Variants in RAB13 observed in about 807,000 individuals in gnomAD.
RAB13 encodes the protein ras-related protein Rab-13.
In RAB13, 15 loss-of-function variants were observed where a neutral mutation model predicts 29.3. The observed-to-expected ratio is 0.51, with a 90% CI of 0.34 to 0.79. The LOEUF (loss-of-function observed/expected upper bound fraction) is 0.79, where lower values mean the gene tolerates loss of function less well. Among genes scored for constraint, RAB13 ranks in the 30% least tolerant of loss-of-function variants. The probability of loss-of-function intolerance (pLI) is 0.01; values close to 1 mark genes in which losing one functional copy is unlikely to be tolerated. For synonymous variants in RAB13, 82 were observed against 93.8 expected (o/e 0.87, Z 0.73); for missense variants, 186 against 255.5 (o/e 0.73, Z 1.85).
intron 2 of RAB13, among the ~76,000 whole-genome samples, chr1:153,984,022 C>G (rs1399245016): frequency 6.6e-6 from 1 of 151,698 alleles, no homozygotes; most frequent in Non-Finnish European, 1.5e-5. Flanking sequence ...ACTAAAAATA[C>G]AAAAATTAGC....
At chr1:153,987,940 T>G (rs887249997), upstream of RAB13, among the ~76,000 whole-genome samples, 1 of 151,968 alleles carries the variant, frequency 6.6e-6, no homozygotes, top group Non-Finnish European at 1.5e-5. Context: ...GCCTCGGTGA[T>G]AGAGTAAGAT....
At chr1:153,988,278 C>T (rs1466965225), upstream of RAB13, among the ~76,000 whole-genome samples, 1 of 147,980 alleles carries the variant, frequency 6.8e-6, no homozygotes, top group Non-Finnish European at 1.5e-5. Context: ...AGTCGTGAGC[C>T]ACCACGCCTG....
At chr1:153,990,006 C>A (rs1649306416), upstream of RAB13, among the ~76,000 whole-genome samples, 1 of 152,140 alleles carries the variant, frequency 6.6e-6, no homozygotes, top group African/African-American at 2.4e-5. Flanking sequence ...CTCTTTTTGT[C>A]CATTCTCTCA....
chr1:153,986,377 G>A (rs540635009), upstream of RAB13: 3 of 716,302 alleles, frequency 4.2e-6, no homozygotes, highest in African/African-American at 1.8e-5. Context: ...CCGGGAAAGA[G>A]GAGAGGCGGC....
chr1:153,982,920 G>C, intron 4 of RAB13, 112 bp from the exon 5 acceptor site: 2 of 1,043,736 alleles, frequency 1.9e-6, no homozygotes, highest in Non-Finnish European at 2.9e-6. Flanking sequence ...TGATGCAGGA[G>C]TTCAAGATCA....
rs1036918492 is a variant in RAB13, at chr1:153,982,392, G to C, written c.533C>G (p.Ser178Ter). The C allele has an allele frequency of 6.2e-7, 1 of 1,612,294 alleles. No individual in the cohort carries two copies. Among genetic ancestry groups the C allele is most frequent in the African/African-American group, 1.3e-5 (1 of 74,556 alleles). The change falls in exon 7 of 8, where the codon TCA becomes TGA. Residue 178 changes from serine to a stop codon, truncating the protein, a stop_gained and splice_region_variant. Transcript: ENST00000368575. LOFTEE classifies it high-confidence loss of function. ...DILLKSGGRR[S>*]GNGNKPPSTD... ...CCTAGTCCAGCAAAACCAACTTACTGATCTCCGGCCTCCTGACTTGAGCAA... is the reference window on the plus strand; with the variant it reads ...CCTAGTCCAGCAAAACCAACTTACTCATCTCCGGCCTCCTGACTTGAGCAA...
intron 1 of RAB13, 37 bp downstream of exon 1, chr1:153,986,076 G>A: frequency 6.2e-7 from 1 of 1,611,940 alleles, no homozygotes; most frequent in East Asian, 2.2e-5. Flanking sequence ...GGAGGTCACA[G>A]GAGAGTCGGG....
upstream of RAB13, among the ~76,000 whole-genome samples, chr1:153,989,811 G>C (rs1649297847): frequency 6.6e-6 from 1 of 151,556 alleles, no homozygotes; most frequent in African/African-American, 2.4e-5. Flanking sequence ...AGAATCGCTT[G>C]AACGCGGGAG....
chr1:153,990,679 A>C, upstream of RAB13: 2 of 1,386,234 alleles, frequency 1.4e-6, no homozygotes, highest in South Asian at 1.2e-5. Context: ...TCAAAGTAAG[A>C]CGTTCCAAAC....
At chr1:153,984,221 C>T (rs1270801814) in intron 2 of RAB13, among the ~76,000 whole-genome samples, 5 of 149,250 alleles carry the variant, frequency 3.4e-5, no homozygotes, top group Non-Finnish European at 7.4e-5. Flanking sequence ...TTTGGATAGG[C>T]TGAATAATTA....
chr1:153,985,024 G>T (rs1649115220), intron 1 of RAB13: 1 of 1,228,402 alleles, frequency 8.1e-7, no homozygotes, highest in South Asian at 2.1e-5. Context: ...CGAAAATTCT[G>T]CATGGAGGCT....
chr1:153,990,706 C>T, upstream of RAB13: 3 of 1,547,136 alleles, frequency 1.9e-6, no homozygotes, highest in Non-Finnish European at 2.7e-6. Flanking sequence ...GCACAAGATC[C>T]TTGCGTCATT....
chr1:153,986,449 G>T (rs911188399), upstream of RAB13: 1 of 522,600 alleles, frequency 1.9e-6, no homozygotes, highest in Admixed American at 3.6e-5. Flanking sequence ...CTGCCAGCCC[G>T]GCCTCTGTTC....
chr1:153,990,030 CCTT>C (rs1270900802), upstream of RAB13, among the ~76,000 whole-genome samples: 1 of 152,146 alleles, frequency 6.6e-6, no homozygotes, highest in East Asian at 1.9e-4. Context: ...CTCATTATCT[CCTT>C]GAGTCTTCCC....
At chr1:153,985,304 A>G in intron 1 of RAB13, 4 of 985,152 alleles carry the variant, frequency 4.1e-6, no homozygotes, top group Non-Finnish European at 4.8e-6. Flanking sequence ...ATTAGGAAAG[A>G]GGGGCATTTT....
At chr1:153,990,071 C>G (rs889750186), upstream of RAB13, among the ~76,000 whole-genome samples, 1 of 152,032 alleles carries the variant, frequency 6.6e-6, no homozygotes, top group Non-Finnish European at 1.5e-5. Flanking sequence ...CAAACCATGT[C>G]TCCCCTGTTT....
Position 153,982,111 on chromosome 1 carries a change from G to A in RAB13, c.600C>T (p.Cys200=). ...CAAGAAAGGGTCCTCAGCCCAGGGA[G>A]CACTTGTTGGTGTTCTTCTTGTCAC... ...KTCDKKNTNK[C]SLG is the part of the protein sequence containing the mutation. Residue 200 remains cysteine (C), a synonymous_variant, in exon 8 of 8, where the codon TGC becomes TGT. Transcript: ENST00000368575. 1 of 1,613,666 alleles carries A rather than the reference G, an allele frequency of 6.2e-7. No homozygotes were observed. The highest frequency in any genetic ancestry group is 8.5e-7 in the Non-Finnish European group (1 of 1,179,946).
chr1:153,982,881 C>CT, intron 4 of RAB13, 73 bp from the exon 5 acceptor site: 1 of 1,449,182 alleles, frequency 6.9e-7, no homozygotes, highest in Non-Finnish European at 9.7e-7. Context: ...AATCCCAGCA[C>CT]TTTGGGAGGC....
At chr1:153,984,476 T>C (rs1649098676) in intron 2 of RAB13, among the ~76,000 whole-genome samples, 1 of 152,222 alleles carries the variant, frequency 6.6e-6, no homozygotes, top group African/African-American at 2.4e-5. Context: ...TTGTTTGTTG[T>C]CAAATTAAGA....
Sources: allele counts gnomAD v4.1 joint callset (sites outside exome capture counted in the v4.1 genomes callset), GRCh38; gene constraint gnomAD v4.1.1; transcripts MANE v1.5; gene names NCBI Gene and HGNC (gene_info 2026-07-23, HGNC 2026-07-21).